TMEM135: variants seen among roughly 807,000 people sequenced by gnomAD.
TMEM135 encodes peroxisomal membrane protein 52.
TMEM135 carries 30 observed loss-of-function variants against 60.3 expected under a neutral mutation model. The observed-to-expected ratio is 0.50, with a 90% CI of 0.37 to 0.68. The LOEUF (loss-of-function observed/expected upper bound fraction) is 0.68, where lower values mean the gene tolerates loss of function less well. Among genes scored for constraint, TMEM135 ranks in the 30% least tolerant of loss-of-function variants. TMEM135 has a pLI of 0.00. For missense variants in TMEM135, 468 were observed against 548.8 expected, an observed-to-expected ratio of 0.85 and a Z score of 1.47; for synonymous variants, 190 against 186.7, an observed-to-expected ratio of 1.02 and a Z score of -0.14.
Position 87,327,242 on chromosome 11 carries a change from T to C in TMEM135, c.*5909T>C. The C allele has an allele frequency of 2.2e-6, 1 of 454,082 alleles. No homozygotes were observed. Among genetic ancestry groups the C allele is most frequent in the Middle Eastern group, 6.9e-4 (1 of 1,444 alleles). The allele number at this position is 454,082 out of a possible 1,614,324, so 28.1% of individuals were successfully genotyped here. The stretch of plus-strand genomic sequence containing the variant: ...TCTTCCCTCTCTGCTTAAAGGAAAG[T>C]TCTTTTTACCTCTTTTTCTCTTGTT... On this transcript the variant is annotated 3_prime_UTR_variant, in exon 15 of 15. Transcript: ENST00000305494.
chr11:87,291,266 G>C (rs1942255316), intron 6 of TMEM135, among the ~76,000 whole-genome samples: 1 of 89,214 alleles, frequency 1.1e-5, no homozygotes, highest in African/African-American at 3.9e-5. Flanking sequence ...GAAACTGTTT[G>C]TGCTTAGTAT....
At chr11:87,277,363 T>C in intron 6 of TMEM135, 1 of 328,556 alleles carries the variant, frequency 3.0e-6, no homozygotes, top group Non-Finnish European at 6.3e-6. Context: ...ATTCTTGGCC[T>C]TAAGTGATCC....
At chr11:87,233,981 G>C (rs1388289159) in intron 5 of TMEM135, among the ~76,000 whole-genome samples, 1 of 152,016 alleles carries the variant, frequency 6.6e-6, no homozygotes, top group East Asian at 1.9e-4. Flanking sequence ...CGATAAACTA[G>C]CACAGTTTTA....
At chr11:87,076,090 G>A (rs1856866043) in intron 3 of TMEM135, among the ~76,000 whole-genome samples, 2 of 152,164 alleles carry the variant, frequency 1.3e-5, no homozygotes. Flanking sequence ...TAATCAACAG[G>A]TGGCAAAGCC....
intron 5 of TMEM135, among the ~76,000 whole-genome samples, chr11:87,196,346 A>G (rs1939956330): frequency 6.6e-6 from 1 of 152,150 alleles, no homozygotes. Context: ...AAAAATGAAG[A>G]TTATTAAGGT....
chr11:87,066,699 C>T (rs1476106104), intron 1 of TMEM135, among the ~76,000 whole-genome samples: 12 of 150,428 alleles, frequency 8.0e-5, no homozygotes, highest in African/African-American at 2.7e-4. Flanking sequence ...TGATAAACTT[C>T]TGCAGTCTTT....
In TMEM135 at chr11:87,071,524, A is replaced by G; in HGVS notation, c.271A>G (p.Lys91Glu). The change falls in exon 3 of 15, where the codon AAG (lysine) becomes GAG (glutamate). Residue 91 changes from lysine (K) to glutamate (E), a missense_variant and splice_region_variant. Physicochemically the swap from Lys to Glu is moderately conservative, Grantham distance 56. Transcript: ENST00000305494. Reference sequence around the variant, plus strand: ...AAAAATTCCAAATTTGAATTTCAGGAAGATACTTGGAAAATTCTACTCATG... The same window carrying G: ...AAAAATTCCAAATTTGAATTTCAGGGAGATACTTGGAAAATTCTACTCATG... The part of the protein sequence containing the change: ...LYMAFFCILR[K>E]ILGKFYSWTP... 6.2e-7 allele frequency: 1 copy of G among 1,613,792 alleles called. No individual in the cohort carries two copies. Among genetic ancestry groups the G allele is most frequent in the Non-Finnish European group, 8.5e-7 (1 of 1,179,688 alleles).
intron 11 of TMEM135, 139 bp downstream of exon 11, chr11:87,313,627 C>A: frequency 1.3e-6 from 1 of 770,860 alleles, no homozygotes. Flanking sequence ...GGCACTTGTC[C>A]AAATACTTTG....
intron 5 of TMEM135, among the ~76,000 whole-genome samples, chr11:87,169,408 A>C (rs1939165449): frequency 6.6e-6 from 1 of 151,486 alleles, no homozygotes; most frequent in African/African-American, 2.4e-5. Flanking sequence ...GATGGTCTTT[A>C]TAATTTGGTA....
intron 5 of TMEM135, among the ~76,000 whole-genome samples, chr11:87,190,688 T>C (rs1939778609): frequency 6.6e-6 from 1 of 152,106 alleles, no homozygotes; most frequent in Admixed American, 6.5e-5. Flanking sequence ...AGAAGGTCCT[T>C]GGAGAGTGAC....
At chr11:87,188,565 A>C (rs974128994) in intron 5 of TMEM135, among the ~76,000 whole-genome samples, 3 of 151,962 alleles carry the variant, frequency 2.0e-5, no homozygotes, top group African/African-American at 7.3e-5. Flanking sequence ...TTAGCCAGGT[A>C]TGGAGGCTGG....
intron 4 of TMEM135, among the ~76,000 whole-genome samples, chr11:87,134,833 A>T (rs35304163): frequency 0.014 from 2,079 of 152,212 alleles, 24 homozygotes; most frequent in Non-Finnish European, 0.021. Context: ...TTCCAAAGTG[A>T]TCATACCATT....
chr11:87,302,499 GTA>G (rs1942467082), intron 8 of TMEM135, 57 bp downstream of exon 8: 1 of 1,605,066 alleles, frequency 6.2e-7, no homozygotes, highest in African/African-American at 1.3e-5. Flanking sequence ...TATGATATTT[GTA>G]CCATGCCAAG....
intron 5 of TMEM135, among the ~76,000 whole-genome samples, chr11:87,215,344 C>T (rs1940477884): frequency 6.6e-6 from 1 of 152,170 alleles, no homozygotes; most frequent in South Asian, 2.1e-4. Flanking sequence ...GTTTTATTTG[C>T]TCATGATTCT....
chr11:87,174,333 C>G (rs1396773605), intron 5 of TMEM135, among the ~76,000 whole-genome samples: 1 of 152,150 alleles, frequency 6.6e-6, no homozygotes, highest in Non-Finnish European at 1.5e-5. Context: ...TGATTCACTT[C>G]TGCCAATATC....
intron 6 of TMEM135, chr11:87,277,232 A>T (rs1304783250): frequency 2.7e-6 from 1 of 368,054 alleles, no homozygotes; most frequent in Non-Finnish European, 5.5e-6. Flanking sequence ...CCCGGGTTCA[A>T]GCGATTCTTG....
intron 5 of TMEM135, among the ~76,000 whole-genome samples, chr11:87,202,889 T>A (rs557000949): frequency 6.6e-6 from 1 of 151,358 alleles, no homozygotes; most frequent in South Asian, 2.1e-4. Flanking sequence ...AAAAATTAGC[T>A]GGGCGTGGTG....
chr11:87,170,005 A>C (rs761343963), intron 5 of TMEM135, among the ~76,000 whole-genome samples: 1 of 137,390 alleles, frequency 7.3e-6, no homozygotes, highest in Non-Finnish European at 1.6e-5. Context: ...GTTCCTTTTT[A>C]GTCTTTTTTT....
chr11:87,195,379 TTCCTTCCTTCCTTCTC>T (rs1488409786), intron 5 of TMEM135, among the ~76,000 whole-genome samples: 6 of 96,966 alleles, frequency 6.2e-5, no homozygotes, highest in Admixed American at 1.1e-4. Flanking sequence ...CCTTCCTTCC[TTCCTTCCTTCCTTCTC>T]TCTCTCTCTC....
Sources: gnomAD v4.1 joint callset for allele counts (sites outside exome capture counted in the v4.1 genomes callset) on GRCh38, gnomAD v4.1.1 for gene constraint, MANE v1.5 for transcripts, NCBI Gene and HGNC (gene_info 2026-07-23, HGNC 2026-07-21) for gene names.